Variants in ADAM17 observed in about 807,000 individuals in gnomAD.
The protein encoded by ADAM17 is disintegrin and metalloproteinase domain-containing protein 17.
ADAM17 carries 39 observed loss-of-function variants against 96.7 expected under a neutral mutation model. The ratio of observed to expected loss-of-function variants is 0.40; its 90% CI spans 0.31 to 0.53. ADAM17 has a LOEUF of 0.53. ADAM17 is among the 20% of genes least tolerant of loss of function. The pLI is 0.44. For synonymous variants in ADAM17, 344 were observed against 359.2 expected, an observed-to-expected ratio of 0.96 and a Z score of 0.48; for missense variants, 777 against 1,013.2, an observed-to-expected ratio of 0.77 and a Z score of 3.17.
intron 1 of ADAM17, among the ~76,000 whole-genome samples, chr2:9,545,554 G>C (rs548622958): frequency 6.6e-6 from 1 of 151,732 alleles, no homozygotes; most frequent in East Asian, 1.9e-4. Flanking sequence ...TGGGCAACAA[G>C]GCAAGACTCC....
At chr2:9,552,960 AT>A (rs1665628275) in intron 1 of ADAM17, among the ~76,000 whole-genome samples, 1 of 152,244 alleles carries the variant, frequency 6.6e-6, no homozygotes, top group Admixed American at 6.5e-5. Flanking sequence ...AACATAAAAA[AT>A]AAATAATAAA....
intron 8 of ADAM17, among the ~76,000 whole-genome samples, chr2:9,518,468 G>T (rs1280241917): frequency 6.6e-6 from 1 of 152,068 alleles, no homozygotes; most frequent in Non-Finnish European, 1.5e-5. Flanking sequence ...ATCTGACAAG[G>T]GACACAAAAG....
At chr2:9,517,520 CA>C (rs2125017292) in intron 10 of ADAM17, among the ~76,000 whole-genome samples, 1 of 152,238 alleles carries the variant, frequency 6.6e-6, no homozygotes, top group East Asian at 1.9e-4. Context: ...TACACTACAC[CA>C]AAATGATGGC....
In ADAM17 at chr2:9,489,105, G is replaced by A. The variant is rs1025622731; in HGVS notation, c.*1072C>T. ...GGGACAGCCCCCAACCCTAAGGGCA[G>A]GTAGTATTCTATCTCCTGGCTGGCT... On this transcript the variant is annotated 3_prime_UTR_variant, in exon 19 of 19. Transcript: ENST00000310823. The A allele has an allele frequency of 4.6e-5, 7 of 152,068 alleles. No individual in the cohort carries two copies. The highest frequency in any genetic ancestry group is 1.7e-4 in the African/African-American group (7 of 41,392). 9.4% of individuals were successfully genotyped at this position (152,068 alleles called of 1,614,324 possible). A position where few individuals can be genotyped will look rare whatever the true frequency, so the allele number is the denominator to read the frequency against.
chr2:9,511,160 A>G (rs1029521952), intron 10 of ADAM17, among the ~76,000 whole-genome samples: 1 of 152,188 alleles, frequency 6.6e-6, no homozygotes, highest in African/African-American at 2.4e-5. Context: ...GGTAAAAAAA[A>G]CAGTACGGAT....
In ADAM17 at chr2:9,497,244, A is replaced by G; in HGVS notation, c.1653T>C (p.Asn551=). ...TTCCTGGAGGCGGGCACTCACTGCT[A>G]TTACCTGGAAGCAAACACCAGTCAT... The part of the protein sequence containing the change: ...TCKGVSYCTG[N]SSECPPPGNA... The change falls in exon 14 of 19, where the codon AAT becomes AAC. Residue 551 remains asparagine (N), a synonymous_variant. Transcript: ENST00000310823. 1 of 1,614,076 alleles carries G rather than the reference A, an allele frequency of 6.2e-7. No homozygotes were observed. The highest frequency in any genetic ancestry group is 8.5e-7 in the Non-Finnish European group (1 of 1,179,962).
At chr2:9,544,501 G>A (rs1665334453) in intron 1 of ADAM17, among the ~76,000 whole-genome samples, 1 of 151,420 alleles carries the variant, frequency 6.6e-6, no homozygotes, top group Non-Finnish European at 1.5e-5. Context: ...CTCTAGCCTG[G>A]GCGACAGAGC....
chr2:9,490,885 A>G (rs1342591699), intron 18 of ADAM17, among the ~76,000 whole-genome samples: 1 of 152,190 alleles, frequency 6.6e-6, no homozygotes, highest in Non-Finnish European at 1.5e-5. Context: ...TGGCTTGGGA[A>G]GGGGACAGCA....
Position 9,490,144 on chromosome 2 carries a change from T to G in ADAM17, c.*33A>C, listed in dbSNP as rs747638598. ...GTAGGTCAAATCTATAAAAATATTT[T>G]GCACACTTAAGTCAGAAGAGCTGAG... On this transcript the variant is annotated 3_prime_UTR_variant, in exon 19 of 19. Transcript: ENST00000310823. The G allele has an allele frequency of 1.3e-6, 2 of 1,531,016 alleles. No individual in the cohort carries two copies. The highest frequency in any genetic ancestry group is 4.6e-5 in the East Asian group (2 of 43,820). 94.8% of individuals were successfully genotyped at this position (1,531,016 alleles called of 1,614,324 possible).
chr2:9,538,694 A>G (rs561965225), intron 2 of ADAM17, among the ~76,000 whole-genome samples: 25 of 152,368 alleles, frequency 1.6e-4, no homozygotes, highest in Admixed American at 1.4e-3. Flanking sequence ...AGACCAAGCG[A>G]TTATAAAATT....
chr2:9,538,640 T>A (rs998261672), intron 2 of ADAM17, among the ~76,000 whole-genome samples: 1 of 152,348 alleles, frequency 6.6e-6, no homozygotes, highest in South Asian at 2.1e-4. Flanking sequence ...ATCAGTGGAA[T>A]TGCATTTTTC....
chr2:9,496,988 T>A, intron 14 of ADAM17, 126 bp downstream of exon 14: 2 of 1,417,072 alleles, frequency 1.4e-6, no homozygotes, highest in Non-Finnish European at 1.9e-6. Context: ...CCCTTCCCCA[T>A]CCCCTCATCC....
intron 4 of ADAM17, among the ~76,000 whole-genome samples, chr2:9,534,006 C>T (rs1664855938): frequency 6.6e-6 from 1 of 152,202 alleles, no homozygotes; most frequent in Non-Finnish European, 1.5e-5. Context: ...ACTATTCCAA[C>T]TAAACACATG....
chr2:9,490,461 G>GAA lies in ADAM17; in HGVS notation c.2189_2190dup (p.Pro731PhefsTer15). 6.2e-7 allele frequency: 1 copy of GAA among 1,614,070 alleles called. No homozygotes were observed. The highest frequency in any genetic ancestry group is 8.5e-7 in the Non-Finnish European group (1 of 1,179,956). On this transcript the variant is annotated frameshift_variant, in exon 19 of 19. Coordinates refer to ENST00000310823, the MANE Select transcript of ADAM17 (RefSeq NM_003183.6). LOFTEE classifies it high-confidence loss of function. ...AGGCGGCCTGGAGTCTGGGGCGCAGGAAAGGGTTTGATAATGCGAACCGAT... is the reference window on the plus strand; with the variant it reads ...AGGCGGCCTGGAGTCTGGGGCGCAGGAAAAAGGGTTTGATAATGCGAACCGAT...
chr2:9,519,259 A>C (rs1035123461), intron 8 of ADAM17, among the ~76,000 whole-genome samples: 15 of 152,176 alleles, frequency 9.9e-5, no homozygotes, highest in African/African-American at 3.4e-4. Flanking sequence ...ATGAGGAATG[A>C]AGTGTGGTTA....
intron 17 of ADAM17, 46 bp downstream of exon 17, chr2:9,492,852 C>A: frequency 1.3e-6 from 2 of 1,519,670 alleles, no homozygotes; most frequent in South Asian, 1.2e-5. Context: ...TGGAGTTGAT[C>A]AAAATTTAAA....
At chr2:9,537,951 AGGGGGAAGAG>A (rs1665044469) in intron 2 of ADAM17, among the ~76,000 whole-genome samples, 1 of 11,894 alleles carries the variant, frequency 8.4e-5, no homozygotes, top group African/African-American at 3.8e-4. Context: ...GGGGAAGGGG[AGGGGGAAGAG>A]AGGGGAAGGG....
Position 9,490,219 on chromosome 2 carries a change from C to T in ADAM17, c.2433G>A (p.Leu811=). Reference sequence around the variant, plus strand: ...TGCTGTCAACACGATTCTGACGCTGCAGTTTAAAGGAGGCAGCCTTTTCAC... The same window carrying T: ...TGCTGTCAACACGATTCTGACGCTGTAGTTTAAAGGAGGCAGCCTTTTCAC... ...TRSEKAASFK[L]QRQNRVDSKE... is the part of the protein sequence containing the mutation. Residue 811 remains leucine (L), a synonymous_variant, in exon 19 of 19, where the codon CTG becomes CTA. Coordinates refer to ENST00000310823, the MANE Select transcript of ADAM17 (RefSeq NM_003183.6). 6.2e-7 allele frequency: 1 copy of T among 1,601,040 alleles called. No individual in the cohort carries two copies. The highest frequency in any genetic ancestry group is 8.6e-7 in the Non-Finnish European group (1 of 1,168,686).
In ADAM17 at chr2:9,489,561, A is replaced by C. The variant is rs1661915058; in HGVS notation, c.*616T>G. On this transcript the variant is annotated 3_prime_UTR_variant, in exon 19 of 19. Transcript: ENST00000310823. ...AAGGTAGGTGGTTAGGTTTCTAGAG[A>C]GCATTAGTCTTAGAATTATGAAGAG... The C allele has an allele frequency of 6.6e-6, 1 of 152,396 alleles. No homozygotes were observed. The highest frequency in any genetic ancestry group is 2.4e-5 in the African/African-American group (1 of 41,358). 9.4% of individuals were successfully genotyped at this position (152,396 alleles called of 1,614,324 possible).
Sources: allele counts gnomAD v4.1 joint callset (sites outside exome capture counted in the v4.1 genomes callset), GRCh38; gene constraint gnomAD v4.1.1; transcripts MANE v1.5; gene names NCBI Gene and HGNC (gene_info 2026-07-23, HGNC 2026-07-21).